Variants in CRISPLD2 observed in about 807,000 individuals in gnomAD.
The protein encoded by CRISPLD2 is cysteine rich secretory protein LCCL domain containing 2.
A neutral mutation model predicts 71.1 loss-of-function variants in CRISPLD2; 47 were observed. The ratio of observed to expected loss-of-function variants is 0.66; its 90% CI spans 0.52 to 0.84. The LOEUF (loss-of-function observed/expected upper bound fraction) is 0.84. CRISPLD2 is among the 40% of genes least tolerant of loss of function. The probability of loss-of-function intolerance (pLI) is 0.00; values close to 1 mark genes in which losing one functional copy is unlikely to be tolerated. For missense variants in CRISPLD2, 830 were observed against 651.1 expected (o/e 1.27, Z -2.99); for synonymous variants, 317 against 250.1 (o/e 1.27, Z -2.52).
At chr16:84,836,782 C>G (rs1180106338) in intron 1 of CRISPLD2, among the ~76,000 whole-genome samples, 1 of 152,106 alleles carries the variant, frequency 6.6e-6, no homozygotes, top group Non-Finnish European at 1.5e-5. Flanking sequence ...GCCAACTTGA[C>G]TGGTAAACAC....
intron 14 of CRISPLD2, among the ~76,000 whole-genome samples, chr16:84,905,923 T>C (rs1247130196): frequency 6.6e-6 from 1 of 152,086 alleles, no homozygotes. Flanking sequence ...TTGGCCAGGC[T>C]GGTCTCGAAC....
chr16:84,860,158 T>C (rs1917342455), intron 6 of CRISPLD2, among the ~76,000 whole-genome samples: 1 of 152,168 alleles, frequency 6.6e-6, no homozygotes, highest in South Asian at 2.1e-4. Flanking sequence ...TAATCCATAT[T>C]TCAGCTAACC....
At chr16:84,877,408 T>C in intron 11 of CRISPLD2, 30 bp from the exon 12 acceptor site, 1 of 1,609,274 alleles carries the variant, frequency 6.2e-7, no homozygotes, top group Non-Finnish European at 8.5e-7. Context: ...TGCTGGGACC[T>C]GACCCTTTCC....
intron 3 of CRISPLD2, among the ~76,000 whole-genome samples, chr16:84,847,625 TG>T (rs1339800772): frequency 7.3e-5 from 11 of 150,572 alleles, no homozygotes; most frequent in Admixed American, 7.3e-4. Context: ...TACTCCAGCC[TG>T]GGTGACAGTG....
intron 5 of CRISPLD2, 28 bp from the exon 6 acceptor site, chr16:84,854,701 T>G: frequency 6.3e-7 from 1 of 1,574,918 alleles, no homozygotes; most frequent in East Asian, 2.2e-5. Context: ...TGGTTCCCTC[T>G]GACGGTTGTT....
rs551141122 is a variant in CRISPLD2, at chr16:84,903,013, C to T, written c.1440-3575C>T. Among the ~76,000 whole-genome samples the T allele has an allele frequency of 6.1e-4, 93 of 152,010 alleles. 1 individual carries two copies. Among genetic ancestry groups the T allele is most frequent in the Non-Finnish European group, 1.0e-3 (70 of 67,988 alleles). On this transcript the variant is annotated intron_variant, in intron 14 of 14. Coordinates refer to ENST00000262424, the MANE Select transcript of CRISPLD2 (RefSeq NM_031476.4). ...GAACTCCTGACTTCAAGTGATCTGC[C>T]CACCTCAGCCTCCCAAAGTGCTGGG... is the stretch of plus-strand genomic sequence containing the variant.
At chr16:84,901,027 AC>A (rs2071749001) in intron 14 of CRISPLD2, among the ~76,000 whole-genome samples, 1 of 144,896 alleles carries the variant, frequency 6.9e-6, no homozygotes, top group Admixed American at 6.7e-5. Context: ...ACACACACAC[AC>A]ACACACACAC....
intron 14 of CRISPLD2, among the ~76,000 whole-genome samples, chr16:84,891,856 C>G (rs1185426973): frequency 2.6e-5 from 4 of 152,200 alleles, no homozygotes; most frequent in Non-Finnish European, 5.9e-5. Context: ...GTCTTTCTCT[C>G]TTCCTGTGAC....
In CRISPLD2 at chr16:84,850,558, A is replaced by G; in HGVS notation, c.493-10A>G. On this transcript the variant is annotated splice_polypyrimidine_tract_variant and intron_variant, in intron 4 of 14. Coordinates refer to ENST00000262424, the MANE Select transcript of CRISPLD2 (RefSeq NM_031476.4). ...CCTCGAGCTGTGACACACAAATGTC[A>G]TCTTTTCAGATAGTTTGGGCCACCA... The G allele has an allele frequency of 1.9e-6, 3 of 1,612,612 alleles. No individual in the cohort carries two copies. The highest frequency in any genetic ancestry group is 2.5e-6 in the Non-Finnish European group (3 of 1,178,648).
intron 12 of CRISPLD2, among the ~76,000 whole-genome samples, chr16:84,879,304 C>T (rs1021820334): frequency 2.0e-5 from 3 of 151,786 alleles, no homozygotes; most frequent in Non-Finnish European, 4.4e-5. Flanking sequence ...AATTTCTGAT[C>T]TGCCATTCCA....
At chr16:84,901,084 A>G (rs113201953) in intron 14 of CRISPLD2, among the ~76,000 whole-genome samples, 4 of 152,070 alleles carry the variant, frequency 2.6e-5, no homozygotes, top group Admixed American at 6.6e-5. Flanking sequence ...ATGTCCACCA[A>G]TAGGGATCCA....
At chr16:84,894,876 G>A (rs549816851) in intron 14 of CRISPLD2, among the ~76,000 whole-genome samples, 10 of 151,994 alleles carry the variant, frequency 6.6e-5, no homozygotes, top group South Asian at 6.2e-4. Flanking sequence ...ACTCAGCACC[G>A]AGAATCTCAA....
intron 3 of CRISPLD2, among the ~76,000 whole-genome samples, chr16:84,846,308 A>G (rs1348272539): frequency 7.1e-6 from 1 of 140,540 alleles, no homozygotes; most frequent in East Asian, 2.1e-4. Context: ...GATGGAGTGC[A>G]GTGGCGCAAT....
chr16:84,871,739 A>G (rs1350548653), intron 8 of CRISPLD2, among the ~76,000 whole-genome samples: 2 of 151,832 alleles, frequency 1.3e-5, no homozygotes, highest in African/African-American at 4.8e-5. Context: ...TTTAGTAGAG[A>G]TGGGTTTTTG....
rs1359365923 is a variant in CRISPLD2, at chr16:84,877,438, T to G, written c.1157T>G (p.Val386Gly). The G allele has an allele frequency of 1.2e-6, 2 of 1,613,654 alleles. No homozygotes were observed. The highest frequency in any genetic ancestry group is 1.7e-6 in the Non-Finnish European group (2 of 1,179,662). ...CTTTCCCCCTTGCTCCTGTTCACAGTGCAGGATTTGGACTGCTACACGACC... is the reference window on the plus strand; with the variant it reads ...CTTTCCCCCTTGCTCCTGTTCACAGGGCAGGATTTGGACTGCTACACGACC... ...SSSFMVSKVK[V>G]QDLDCYTTVA... The change falls in exon 12 of 15, where the codon GTG becomes GGG. Residue 386 changes from valine (V) to glycine (G), a missense_variant and splice_region_variant. Coordinates refer to ENST00000262424, the MANE Select transcript of CRISPLD2 (RefSeq NM_031476.4).
intron 3 of CRISPLD2, 77 bp from the exon 4 acceptor site, chr16:84,849,308 C>T (rs544696581): frequency 6.2e-5 from 88 of 1,426,588 alleles, no homozygotes; most frequent in Admixed American, 2.0e-4. Flanking sequence ...TCCCTCCTAC[C>T]TGCCCGTGGC....
At chr16:84,832,022 G>T (rs9673710) in intron 1 of CRISPLD2, among the ~76,000 whole-genome samples, 3 of 152,146 alleles carry the variant, frequency 2.0e-5, no homozygotes, top group African/African-American at 4.8e-5. Context: ...GGCGTGAGCC[G>T]CCATGTCCAG....
chr16:84,905,454 C>T (rs1376881684), intron 14 of CRISPLD2, among the ~76,000 whole-genome samples: 3 of 151,972 alleles, frequency 2.0e-5, no homozygotes, highest in Non-Finnish European at 2.9e-5. Flanking sequence ...GGCTGGAGTG[C>T]AGTGGCAGAA....
intron 13 of CRISPLD2, among the ~76,000 whole-genome samples, chr16:84,882,371 A>AAAAAAAAAAAAAAAAAGAAAT (rs368239840): frequency 1.8e-5 from 2 of 114,184 alleles, no homozygotes; most frequent in African/African-American, 7.4e-5. Context: ...AAAAAAAAAA[A>AAAAAAAAAAAAAAAAAGAAAT]GCAAGAACTT....
Sources: gnomAD v4.1 joint callset for allele counts (sites outside exome capture counted in the v4.1 genomes callset) on GRCh38, gnomAD v4.1.1 for gene constraint, MANE v1.5 for transcripts, NCBI Gene and HGNC (gene_info 2026-07-23, HGNC 2026-07-21) for gene names.